The following TEX9 variants were observed in gnomAD, a reference collection of about 807,000 sequenced individuals.
TEX9 encodes the protein testis expressed 9, also known as testis-expressed protein 9.
TEX9 carries 74 observed loss-of-function variants against 59.6 expected under a neutral mutation model. The observed-to-expected ratio is 1.24, with a 90% CI of 1.03 to 1.51. The LOEUF (loss-of-function observed/expected upper bound fraction) is 1.51. Ranked by LOEUF, TEX9 falls within the 40% of genes most tolerant of loss-of-function variation. The probability of loss-of-function intolerance (pLI) is 0.00; values close to 1 mark genes in which losing one functional copy is unlikely to be tolerated. For synonymous variants in TEX9, 186 were observed against 152.2 expected (o/e 1.22, Z -1.64); for missense variants, 522 against 447.8 (o/e 1.17, Z -1.49).
At chr15:56,368,345 T>C (rs1361685728) in intron 2 of TEX9, among the ~76,000 whole-genome samples, 1 of 152,182 alleles carries the variant, frequency 6.6e-6, no homozygotes. Context: ...TGTAGGTTTT[T>C]TGCATCTATG....
chr15:56,412,174 GT>G, intron 9 of TEX9, 127 bp from the exon 10 acceptor site: 2 of 355,172 alleles, frequency 5.6e-6, no homozygotes, highest in Non-Finnish European at 8.8e-6. Context: ...ACCCCCAAGC[GT>G]GTGTGTGTGT....
chr15:56,270,681 T>G (rs573910643), intron 1 of TEX9, among the ~76,000 whole-genome samples: 2 of 152,350 alleles, frequency 1.3e-5, no homozygotes, highest in African/African-American at 4.8e-5. Context: ...GTTATTATGA[T>G]GTTAGTTGCT....
intron 1 of TEX9, among the ~76,000 whole-genome samples, chr15:56,330,741 T>C (rs2046122384): frequency 6.7e-6 from 1 of 150,078 alleles, no homozygotes. Context: ...AAAAGGAAGA[T>C]AAGAAAGAAG....
chr15:56,417,035 G>C lies in TEX9; in HGVS notation c.963+4599G>C, dbSNP rs192564025. On this transcript the variant is annotated intron_variant, in intron 10 of 12. Coordinates refer to ENST00000352903, the Ensembl canonical transcript of TEX9. ...GTTTCTGATGGTTGTTTTTATTTCT[G>C]TGGGGTCAGTAGTAACATTCCCTTT... 3.4e-4 allele frequency among the ~76,000 whole-genome samples: 51 copies of C among 151,858 alleles called. 2 individuals carry two copies. The highest frequency in any genetic ancestry group is 1.2e-3 in the African/African-American group (50 of 41,210).
chr15:56,272,396 T>C (rs576916843), intron 1 of TEX9, among the ~76,000 whole-genome samples: 4 of 152,358 alleles, frequency 2.6e-5, no homozygotes, highest in African/African-American at 9.6e-5. Flanking sequence ...GTCTGTCTTC[T>C]TTCAGCATGT....
chr15:56,257,765 T>G (rs2044177240), intron 1 of TEX9, among the ~76,000 whole-genome samples: 1 of 152,172 alleles, frequency 6.6e-6, no homozygotes, highest in Non-Finnish European at 1.5e-5. Flanking sequence ...CGATAGTTTC[T>G]TTTGCTGTGC....
chr15:56,402,133 G>C (rs2048819832), intron 9 of TEX9, among the ~76,000 whole-genome samples: 1 of 152,156 alleles, frequency 6.6e-6, no homozygotes, highest in Admixed American at 6.5e-5. Context: ...ACTAAGATCA[G>C]AGCAGAACTG....
At chr15:56,440,822 T>C (rs189095674) in intron 12 of TEX9, among the ~76,000 whole-genome samples, 161 of 152,330 alleles carry the variant, frequency 1.1e-3, no homozygotes, top group East Asian at 2.7e-3. Flanking sequence ...TCTGTCATTC[T>C]TTTAATAGCT....
At chr15:56,369,343 C>G (rs1158262452) in intron 2 of TEX9, among the ~76,000 whole-genome samples, 2 of 148,874 alleles carry the variant, frequency 1.3e-5, no homozygotes, top group Non-Finnish European at 3.0e-5. Flanking sequence ...GCGCATGGCA[C>G]CATGCCATGC....
chr15:56,442,723 C>G (rs1410249562), intron 12 of TEX9, among the ~76,000 whole-genome samples: 2 of 152,132 alleles, frequency 1.3e-5, no homozygotes, highest in Admixed American at 1.3e-4. Flanking sequence ...AAAACAGACA[C>G]TGGGGCCTAC....
chr15:56,285,860 C>T (rs925697874), intron 1 of TEX9, among the ~76,000 whole-genome samples: 4 of 151,896 alleles, frequency 2.6e-5, no homozygotes, highest in African/African-American at 9.7e-5. Context: ...CAAGGTAGTA[C>T]GTGATTATTA....
Position 56,401,455 on chromosome 15 carries a change from T to C in TEX9, c.828+6621T>C, listed in dbSNP as rs147956463. On this transcript the variant is annotated intron_variant, in intron 9 of 12. Coordinates refer to ENST00000352903, the Ensembl canonical transcript of TEX9. ...CAAGAAGAGCTAACTATCCTAAATA[T>C]TTATGCACCCAATACAGGAACACCC... 1.3e-3 allele frequency among the ~76,000 whole-genome samples: 191 copies of C among 152,210 alleles called. 4 individuals are homozygous for C. The East Asian group carries it at 0.033, about 26-fold the overall frequency.
chr15:56,339,371 A>C (rs1174894836), intron 1 of TEX9, among the ~76,000 whole-genome samples: 1 of 116,802 alleles, frequency 8.6e-6, no homozygotes, highest in Non-Finnish European at 1.7e-5. Context: ...TGTCAGAGCA[A>C]GACTCCTTCT....
At chr15:56,276,339 A>C (rs1013611432) in intron 1 of TEX9, among the ~76,000 whole-genome samples, 2 of 151,204 alleles carry the variant, frequency 1.3e-5, no homozygotes, top group African/African-American at 2.4e-5. Context: ...TGCCCCCCAC[A>C]CCTTGACAGG....
chr15:56,429,155 A>T, intron 12 of TEX9: 1 of 1,603,014 alleles, frequency 6.2e-7, no homozygotes, highest in South Asian at 1.1e-5. Flanking sequence ...TGAACTCTTC[A>T]CCAAGCAGAT....
Position 56,388,613 on chromosome 15 carries a change from G to C in TEX9, c.312+93G>C, listed in dbSNP as rs544012550. 7.8e-6 allele frequency: 8 copies of C among 1,029,612 alleles called. No homozygotes were observed. In the East Asian group the frequency reaches 1.7e-4, roughly 22 times the overall value. The allele number at this position is 1,029,612 out of a possible 1,614,324, so 63.8% of individuals were successfully genotyped here. On this transcript the variant is annotated intron_variant, in intron 5 of 12. Coordinates refer to ENST00000352903, the Ensembl canonical transcript of TEX9. ...CTTAGACAAAGCAGAGAAGGGGTAT[G>C]ACTCAACAGAAATAGAATATGAACC...
intron 11 of TEX9, 74 bp downstream of exon 11, chr15:56,427,813 T>TTAGGTATGTTTTTGACATCTTTA (rs1402861457): frequency 3.3e-6 from 4 of 1,212,418 alleles, no homozygotes; most frequent in Non-Finnish European, 4.4e-6. Context: ...ATTTTTCACT[T>TTAGGTATGTTTTTGACATCTTTA]TAGGTATGTT....
intron 1 of TEX9, among the ~76,000 whole-genome samples, chr15:56,263,020 G>GT (rs1231431083): frequency 5.3e-5 from 8 of 151,698 alleles, no homozygotes; most frequent in Non-Finnish European, 1.2e-4. Context: ...ACACGTGGCT[G>GT]TTTTTTTTGT....
At chr15:56,430,828 A>T (rs2050570084) in intron 12 of TEX9, among the ~76,000 whole-genome samples, 1 of 152,194 alleles carries the variant, frequency 6.6e-6, no homozygotes, top group African/African-American at 2.4e-5. Context: ...CAGTTGTTCT[A>T]GGGTAGCTTT....
Sources: allele counts gnomAD v4.1 joint callset (sites outside exome capture counted in the v4.1 genomes callset), GRCh38; gene constraint gnomAD v4.1.1; transcripts MANE v1.5; gene names NCBI Gene and HGNC (gene_info 2026-07-23, HGNC 2026-07-21).